The following NAALADL2 variants were observed in gnomAD, a reference collection of about 807,000 sequenced individuals.
NAALADL2 encodes the protein inactive N-acetylated-alpha-linked acidic dipeptidase-like protein 2.
Under a neutral mutation model 87.2 loss-of-function variants are expected in NAALADL2, and 76 were observed. The observed-to-expected ratio is 0.87, with a 90% CI of 0.72 to 1.05. NAALADL2 has a LOEUF of 1.05. Ranked by LOEUF, NAALADL2 falls within the 50% of genes least tolerant of loss-of-function variation. NAALADL2 has a pLI of 0.00. For synonymous variants in NAALADL2, 354 were observed against 331.0 expected, an observed-to-expected ratio of 1.07 and a Z score of -0.75; for missense variants, 1,089 against 945.8, an observed-to-expected ratio of 1.15 and a Z score of -1.99.
At chr3:175,718,664 G>A in intron 11 of NAALADL2, 5 of 1,570,072 alleles carry the variant, frequency 3.2e-6, no homozygotes, top group Non-Finnish European at 2.6e-6. Flanking sequence ...CGTGGTGGCT[G>A]CCATCTTGCG....
At chr3:175,546,832 A>C (rs1394116840) in intron 9 of NAALADL2, among the ~76,000 whole-genome samples, 1 of 152,052 alleles carries the variant, frequency 6.6e-6, no homozygotes, top group Non-Finnish European at 1.5e-5. Context: ...ATAATCTGCT[A>C]ATTAAATACC....
At chr3:174,487,895 G>A (rs917588161) in intron 1 of NAALADL2, among the ~76,000 whole-genome samples, 1 of 151,860 alleles carries the variant, frequency 6.6e-6, no homozygotes, top group African/African-American at 2.4e-5. Context: ...GCTGCATTTC[G>A]GGATAGTTTT....
At chr3:174,903,674 A>C (rs747272335) in intron 1 of NAALADL2, among the ~76,000 whole-genome samples, 7 of 151,932 alleles carry the variant, frequency 4.6e-5, no homozygotes, top group Admixed American at 2.0e-4. Context: ...ACAAGCATGC[A>C]ATTCACTGGT....
At chr3:175,168,735 T>G (rs187298145) in intron 2 of NAALADL2, among the ~76,000 whole-genome samples, 1 of 151,882 alleles carries the variant, frequency 6.6e-6, no homozygotes, top group East Asian at 1.9e-4. Context: ...AATAGGGAGA[T>G]CTACAAAATC....
At chr3:175,327,793 T>C (rs75045504) in intron 5 of NAALADL2, among the ~76,000 whole-genome samples, 3,917 of 152,298 alleles carry the variant, frequency 0.026, 61 homozygotes, top group Non-Finnish European at 0.041. Context: ...TCTGCCCCTC[T>C]GGGTTAGTAA....
chr3:175,694,046 A>G (rs891525209), intron 11 of NAALADL2, among the ~76,000 whole-genome samples: 3 of 152,132 alleles, frequency 2.0e-5, no homozygotes, highest in African/African-American at 7.2e-5. Context: ...TTTCTCACAG[A>G]TTTTTAAAAT....
intron 2 of NAALADL2, among the ~76,000 whole-genome samples, chr3:174,733,985 G>A (rs572150779): frequency 6.6e-6 from 1 of 152,238 alleles, no homozygotes; most frequent in South Asian, 2.1e-4. Flanking sequence ...ACAAATGTAA[G>A]CTTCAAGCTT....
chr3:174,912,569 A>G (rs1044286194), intron 1 of NAALADL2, among the ~76,000 whole-genome samples: 17 of 152,208 alleles, frequency 1.1e-4, no homozygotes, highest in East Asian at 1.9e-4. Context: ...TTTAACGTAC[A>G]TGGATAAAGT....
chr3:174,891,125 T>C (rs1730822106), intron 1 of NAALADL2, among the ~76,000 whole-genome samples: 1 of 152,172 alleles, frequency 6.6e-6, no homozygotes, highest in Non-Finnish European at 1.5e-5. Flanking sequence ...TAATACATTT[T>C]ATTAAGTAAT....
At position 175,305,666 on chromosome 3, in the gene NAALADL2, G is replaced by C. The variant is rs1581342913; in HGVS notation, c.940-18509G>C. On this transcript the variant is annotated intron_variant, in intron 4 of 13. Transcript: ENST00000454872. ...GCCTCCCGAGTAGCTGGGATTACAG[G>C]CATGCACCACCACGCCCGGCTAATT... Among the ~76,000 whole-genome samples the C allele has an allele frequency of 4.6e-5, 7 of 152,192 alleles. No individual in the cohort carries two copies. In the South Asian group the frequency reaches 1.5e-3, roughly 32 times the overall value.
chr3:174,625,401 T>C (rs1434538707), intron 2 of NAALADL2, among the ~76,000 whole-genome samples: 1 of 151,982 alleles, frequency 6.6e-6, no homozygotes, highest in Non-Finnish European at 1.5e-5. Context: ...AAAATTCAAA[T>C]AATTACTTTT....
At chr3:175,517,643 G>A (rs769948534) in intron 9 of NAALADL2, among the ~76,000 whole-genome samples, 4 of 152,102 alleles carry the variant, frequency 2.6e-5, no homozygotes, top group South Asian at 2.1e-4. Context: ...AAGTGGCATC[G>A]TTGTCTGTGG....
intron 3 of NAALADL2, among the ~76,000 whole-genome samples, chr3:174,845,761 G>A (rs116618010): frequency 0.018 from 2,784 of 152,218 alleles, 84 homozygotes; most frequent in African/African-American, 0.064. Flanking sequence ...TGGGGGATAG[G>A]GTACCTCATG....
chr3:174,874,599 T>G (rs1728242865), intron 1 of NAALADL2, among the ~76,000 whole-genome samples: 1 of 152,080 alleles, frequency 6.6e-6, no homozygotes, highest in African/African-American at 2.4e-5. Flanking sequence ...AATCTATACG[T>G]GTGTAAAAGC....
rs1553799168 is a variant in NAALADL2 at position 175,173,309 on chromosome 3, A to AAATAAAAT, written c.546-60620_546-60619insTAAAATAA. Among the ~76,000 whole-genome samples, 1,091 of 139,926 alleles carry AAATAAAAT rather than the reference A, an allele frequency of 7.8e-3. 9 individuals carry two copies. Among genetic ancestry groups the AAATAAAAT allele is most frequent in the Admixed American group, 0.017 (243 of 13,982 alleles). 91.8% of individuals were successfully genotyped at this position (139,926 alleles called of 152,430 possible). ...TCCGTTTCAAAATAAATAAATAAAT[A>AAATAAAAT]AAATAAATAAATAAATAAATAAATA... On this transcript the variant is annotated intron_variant, in intron 2 of 13. Transcript: ENST00000454872.
intron 2 of NAALADL2, among the ~76,000 whole-genome samples, chr3:175,195,378 T>C (rs941759869): frequency 1.3e-5 from 2 of 151,674 alleles, no homozygotes; most frequent in African/African-American, 4.8e-5. Context: ...TGAAACGTTA[T>C]GAAAAAATAA....
intron 1 of NAALADL2, among the ~76,000 whole-genome samples, chr3:174,988,424 C>G (rs1238985424): frequency 2.0e-5 from 3 of 152,096 alleles, no homozygotes; most frequent in Admixed American, 6.6e-5. Context: ...ATGTCATAAT[C>G]CCTACTTTTT....
intron 3 of NAALADL2, among the ~76,000 whole-genome samples, chr3:174,774,719 T>C (rs186021773): frequency 6.6e-6 from 1 of 152,332 alleles, no homozygotes; most frequent in Admixed American, 6.5e-5. Flanking sequence ...CTGTTGCAGG[T>C]ACATACTTAC....
At chr3:174,703,665 G>A (rs1434872868) in intron 2 of NAALADL2, among the ~76,000 whole-genome samples, 1 of 152,056 alleles carries the variant, frequency 6.6e-6, no homozygotes, top group Non-Finnish European at 1.5e-5. Flanking sequence ...TAATAGCTTA[G>A]TGGGATTTTT....
Sources: gnomAD v4.1 joint callset for allele counts (sites outside exome capture counted in the v4.1 genomes callset) on GRCh38, gnomAD v4.1.1 for gene constraint, MANE v1.5 for transcripts, NCBI Gene and HGNC (gene_info 2026-07-23, HGNC 2026-07-21) for gene names.